PITPNC1: variants seen among roughly 807,000 people sequenced by gnomAD.
PITPNC1 encodes cytoplasmic phosphatidylinositol transfer protein 1.
In PITPNC1, 18 loss-of-function variants were observed where a neutral mutation model predicts 44.7. That is an observed-to-expected ratio of 0.40 (90% CI 0.28 to 0.60). PITPNC1 has a LOEUF of 0.60. PITPNC1 is among the 20% of genes least tolerant of loss of function. The pLI is 0.39. For missense variants in PITPNC1, 290 were observed against 418.4 expected (o/e 0.69, Z 2.68); for synonymous variants, 141 against 149.6 (o/e 0.94, Z 0.42).
At chr17:67,403,231 A>AAAAAAAAAAAAAAAAAAAAAAAAAT (rs1427173835) in intron 1 of PITPNC1, among the ~76,000 whole-genome samples, 1 of 151,008 alleles carries the variant, frequency 6.6e-6, no homozygotes, top group Non-Finnish European at 1.5e-5. Flanking sequence ...AAAAAAAAAA[A>AAAAAAAAAAAAAAAAAAAAAAAAAT]AAAAAAAAAA....
chr17:67,437,540 C>G (rs1413187750), intron 1 of PITPNC1, among the ~76,000 whole-genome samples: 1 of 152,146 alleles, frequency 6.6e-6, no homozygotes, highest in African/African-American at 2.4e-5. Flanking sequence ...GCTTTAGGCA[C>G]TTGGTGATAC....
At chr17:67,439,445 T>C (rs2038981952) in intron 1 of PITPNC1, among the ~76,000 whole-genome samples, 1 of 152,186 alleles carries the variant, frequency 6.6e-6, no homozygotes, top group South Asian at 2.1e-4. Flanking sequence ...CCTCAGCTTA[T>C]GGTATTTATT....
chr17:67,578,334 G>A, intron 5 of PITPNC1, 77 bp downstream of exon 5: 1 of 995,016 alleles, frequency 1.0e-6, no homozygotes, highest in Non-Finnish European at 1.6e-6. Context: ...GCCCCTCTGT[G>A]ACCAGGGCCA....
intron 5 of PITPNC1, among the ~76,000 whole-genome samples, chr17:67,588,286 G>C (rs866651799): frequency 6.6e-6 from 1 of 152,206 alleles, no homozygotes; most frequent in Admixed American, 6.5e-5. Context: ...TTACAGGCGT[G>C]AGCCACCGTG....
intron 1 of PITPNC1, chr17:67,378,939 G>T: frequency 1.0e-6 from 1 of 983,388 alleles, no homozygotes; most frequent in Non-Finnish European, 1.2e-6. Flanking sequence ...CTGCCGGCTG[G>T]GGGCGCCGGG....
intron 1 of PITPNC1, among the ~76,000 whole-genome samples, chr17:67,402,383 T>C (rs564820426): frequency 4.7e-4 from 72 of 152,222 alleles, no homozygotes; most frequent in Non-Finnish European, 9.1e-4. Flanking sequence ...GGAGGACCAG[T>C]GCTGAAACCA....
chr17:67,471,805 C>T (rs2039540073), intron 1 of PITPNC1, among the ~76,000 whole-genome samples: 1 of 152,004 alleles, frequency 6.6e-6, no homozygotes, highest in African/African-American at 2.4e-5. Context: ...ATTAACTAAA[C>T]TCCCGACTTT....
intron 1 of PITPNC1, among the ~76,000 whole-genome samples, chr17:67,433,488 C>G (rs1161872177): frequency 1.3e-5 from 2 of 152,162 alleles, no homozygotes; most frequent in East Asian, 3.9e-4. Flanking sequence ...CTCGAAATCC[C>G]AGCACTTTAG....
At chr17:67,605,523 T>G (rs1416383542) in intron 5 of PITPNC1, among the ~76,000 whole-genome samples, 2 of 152,210 alleles carry the variant, frequency 1.3e-5, no homozygotes, top group African/African-American at 4.8e-5. Flanking sequence ...TCCCGACCTT[T>G]CCTTAATGAA....
chr17:67,598,179 G>A (rs1407968095), intron 5 of PITPNC1, among the ~76,000 whole-genome samples: 2 of 152,060 alleles, frequency 1.3e-5, no homozygotes, highest in Non-Finnish European at 2.9e-5. Flanking sequence ...CCAAGATCAC[G>A]CCACTGCACT....
At chr17:67,417,368 G>A (rs996651571) in intron 1 of PITPNC1, among the ~76,000 whole-genome samples, 14 of 151,910 alleles carry the variant, frequency 9.2e-5, no homozygotes, top group East Asian at 1.9e-4. Context: ...GGCCTCAAGC[G>A]ATCCTCCTGC....
intron 1 of PITPNC1, among the ~76,000 whole-genome samples, chr17:67,410,582 C>T (rs558963164): frequency 1.6e-4 from 25 of 152,002 alleles, no homozygotes; most frequent in South Asian, 4.2e-4. Context: ...GATGAAGTCT[C>T]GCTATGTTGC....
At chr17:67,448,892 C>T (rs2039137911) in intron 1 of PITPNC1, among the ~76,000 whole-genome samples, 1 of 152,138 alleles carries the variant, frequency 6.6e-6, no homozygotes, top group Non-Finnish European at 1.5e-5. Flanking sequence ...TCAGCCTCCC[C>T]AGTAGCTGGG....
intron 2 of PITPNC1, among the ~76,000 whole-genome samples, chr17:67,539,533 A>G (rs1439983216): frequency 6.6e-6 from 1 of 152,198 alleles, no homozygotes; most frequent in African/African-American, 2.4e-5. Flanking sequence ...CGTGCAATAT[A>G]TCAGCTGCAA....
chr17:67,407,207 T>C (rs147913730), intron 1 of PITPNC1, among the ~76,000 whole-genome samples: 110 of 152,314 alleles, frequency 7.2e-4, no homozygotes, highest in African/African-American at 2.4e-3. Context: ...GCCATTCTAG[T>C]AGGTGTGAAG....
chr17:67,553,588 T>A (rs779524034), intron 3 of PITPNC1, 22 bp from the exon 4 acceptor site: 1 of 1,189,878 alleles, frequency 8.4e-7, no homozygotes. Context: ...CCTCTCTTCT[T>A]CAAATGAACA....
chr17:67,663,581 A>C (rs1206455931), intron 6 of PITPNC1, among the ~76,000 whole-genome samples: 3 of 118,632 alleles, frequency 2.5e-5, no homozygotes, highest in African/African-American at 9.1e-5. Flanking sequence ...AAAAAAGGAC[A>C]AAAAAAAAAA....
chr17:67,630,093 T>C (rs1474046709), intron 5 of PITPNC1, among the ~76,000 whole-genome samples: 1 of 152,196 alleles, frequency 6.6e-6, no homozygotes, highest in African/African-American at 2.4e-5. Flanking sequence ...GAGTTGAGCC[T>C]ATAAAGAGCC....
intron 6 of PITPNC1, among the ~76,000 whole-genome samples, chr17:67,658,767 C>T (rs972602193): frequency 6.6e-5 from 10 of 152,014 alleles, no homozygotes; most frequent in African/African-American, 9.7e-5. Flanking sequence ...CTCTACTTGC[C>T]GTCTTTGTCC....
Sources: allele counts gnomAD v4.1 joint callset (sites outside exome capture counted in the v4.1 genomes callset), GRCh38; gene constraint gnomAD v4.1.1; transcripts MANE v1.5; gene names NCBI Gene and HGNC (gene_info 2026-07-23, HGNC 2026-07-21).